Variants in GOLPH3 observed in about 807,000 individuals in gnomAD.
GOLPH3 encodes golgi phosphoprotein 3, also known as coat protein GPP34.
GOLPH3 carries 14 observed loss-of-function variants against 28.5 expected under a neutral mutation model. The observed-to-expected ratio is 0.49, with a 90% CI of 0.32 to 0.77. GOLPH3 has a LOEUF of 0.77. Among genes scored for constraint, GOLPH3 ranks in the 30% least tolerant of loss-of-function variants. The pLI is 0.03. For missense variants in GOLPH3, 350 were observed against 393.7 expected (o/e 0.89, Z 0.94); for synonymous variants, 158 against 159.2 (o/e 0.99, Z 0.06).
At chr5:32,147,213 A>G (rs1746196300) in intron 1 of GOLPH3, among the ~76,000 whole-genome samples, 1 of 147,712 alleles carries the variant, frequency 6.8e-6, no homozygotes, top group Non-Finnish European at 1.5e-5. Flanking sequence ...AGTAAAACAC[A>G]AAAACAATCT....
intron 2 of GOLPH3, among the ~76,000 whole-genome samples, 170 bp downstream of exon 2, chr5:32,143,579 T>C (rs1186444914): frequency 2.0e-5 from 3 of 152,240 alleles, no homozygotes; most frequent in Non-Finnish European, 4.4e-5. Context: ...TTACTCATTG[T>C]AGGTGAAAGA....
chr5:32,152,697 G>A (rs956414307), intron 1 of GOLPH3, among the ~76,000 whole-genome samples: 3 of 151,048 alleles, frequency 2.0e-5, no homozygotes, highest in Admixed American at 6.6e-5. Context: ...CAGGAGAATC[G>A]CTTGAACTCA....
rs1745651974 is a variant in GOLPH3 at position 32,125,276 on chromosome 5, A to G, written c.*936T>C. 6.6e-6 allele frequency: 1 copy of G among 152,644 alleles called. No individual in the cohort carries two copies. The highest frequency in any genetic ancestry group is 1.5e-5 in the Non-Finnish European group (1 of 68,040). The allele number at this position is 152,644 out of a possible 1,614,324, so 9.5% of individuals were successfully genotyped here. A position where few individuals can be genotyped will look rare whatever the true frequency, so the allele number is the denominator to read the frequency against. ...GGTACTGGTCACAAGCCTCTTCCCAATAGAAATTATAAAAACAGTAAGATA... is the reference window on the plus strand; with the variant it reads ...GGTACTGGTCACAAGCCTCTTCCCAGTAGAAATTATAAAAACAGTAAGATA... On this transcript the variant is annotated 3_prime_UTR_variant, in exon 4 of 4. Coordinates refer to ENST00000265070, the MANE Select transcript of GOLPH3 (RefSeq NM_022130.4).
At chr5:32,157,691 C>T (rs962927447) in intron 1 of GOLPH3, among the ~76,000 whole-genome samples, 2 of 152,094 alleles carry the variant, frequency 1.3e-5, no homozygotes, top group South Asian at 2.1e-4. Context: ...TTTAATGATA[C>T]TGGGGTTGGG....
intron 2 of GOLPH3, among the ~76,000 whole-genome samples, chr5:32,143,545 C>T (rs1347819031): frequency 2.6e-5 from 4 of 151,952 alleles, no homozygotes; most frequent in African/African-American, 7.2e-5. Context: ...ATCCAGTGGC[C>T]GGTTACCTTA....
At chr5:32,149,283 T>C (rs986156017) in intron 1 of GOLPH3, among the ~76,000 whole-genome samples, 1 of 152,212 alleles carries the variant, frequency 6.6e-6, no homozygotes, top group Non-Finnish European at 1.5e-5. Flanking sequence ...CGGAATAGCA[T>C]GTTTGTTGTT....
At chr5:32,153,194 C>T (rs1746349264) in intron 1 of GOLPH3, among the ~76,000 whole-genome samples, 1 of 151,888 alleles carries the variant, frequency 6.6e-6, no homozygotes, top group South Asian at 2.1e-4. Flanking sequence ...TAGAATATAA[C>T]ATGTAAAAAG....
chr5:32,126,201 C>A lies in GOLPH3; in HGVS notation c.*11G>T, dbSNP rs1021434783. ...CTTGAGAGAAAGGAGAATGGTTCAC[C>A]CCGAGCAGAGTTACTTGGTGAACGC... On this transcript the variant is annotated 3_prime_UTR_variant, in exon 4 of 4. Coordinates refer to ENST00000265070, the MANE Select transcript of GOLPH3 (RefSeq NM_022130.4). 1 of 1,603,154 alleles carries A rather than the reference C, an allele frequency of 6.2e-7. No homozygotes were observed. The highest frequency in any genetic ancestry group is 1.3e-5 in the African/African-American group (1 of 74,696).
chr5:32,145,353 G>C (rs895650861), intron 1 of GOLPH3, among the ~76,000 whole-genome samples: 1 of 152,216 alleles, frequency 6.6e-6, no homozygotes, highest in Admixed American at 6.5e-5. Flanking sequence ...GTCGGGGCCT[G>C]ATCAAATGAA....
At position 32,125,783 on chromosome 5, in the gene GOLPH3, A is replaced by C. The variant is rs1745662784; in HGVS notation, c.*429T>G. ...ATGTAAAAAATGTCCTAATAGATAC[A>C]GATATTTACCTTTGGTGAGTTGAAG... On this transcript the variant is annotated 3_prime_UTR_variant, in exon 4 of 4. Transcript: ENST00000265070. The C allele has an allele frequency of 1.3e-5, 2 of 159,632 alleles. No homozygotes were observed. Among genetic ancestry groups the C allele is most frequent in the African/African-American group, 4.8e-5 (2 of 41,634 alleles). The allele number at this position is 159,632 out of a possible 1,614,324, so 9.9% of individuals were successfully genotyped here.
In GOLPH3 at chr5:32,174,249, C is replaced by G. The variant is rs1376742756; in HGVS notation, c.-215G>C. On this transcript the variant is annotated 5_prime_UTR_variant, in exon 1 of 4. Transcript: ENST00000265070. ...GGCGGGGCAGGAGAGGAGCGCCTTC[C>G]TGCCTGTGGCCGCAGTCCCCGAAAC... 2 of 365,780 alleles carry G rather than the reference C, an allele frequency of 5.5e-6. No individual in the cohort carries two copies. Among genetic ancestry groups the G allele is most frequent in the East Asian group, 8.0e-5 (2 of 24,924 alleles). 22.7% of individuals were successfully genotyped at this position (365,780 alleles called of 1,614,324 possible).
At chr5:32,143,052 G>A (rs1017221321) in intron 2 of GOLPH3, among the ~76,000 whole-genome samples, 7 of 152,278 alleles carry the variant, frequency 4.6e-5, no homozygotes, top group South Asian at 2.1e-4. Context: ...GATGGTTGCC[G>A]TGTCTGTGTA....
At chr5:32,129,886 G>A (rs1305639678) in intron 3 of GOLPH3, among the ~76,000 whole-genome samples, 1 of 151,714 alleles carries the variant, frequency 6.6e-6, no homozygotes, top group African/African-American at 2.4e-5. Context: ...CTGTCGCCCA[G>A]GCTGGAGTGC....
At chr5:32,148,014 A>ATGGAATGGGGATGGAGG (rs1746215589) in intron 1 of GOLPH3, among the ~76,000 whole-genome samples, 1 of 152,224 alleles carries the variant, frequency 6.6e-6, no homozygotes, top group Admixed American at 6.5e-5. Flanking sequence ...TACAATTAGA[A>ATGGAATGGGGATGGAGG]TGGAATGGGG....
chr5:32,137,031 C>T (rs747864889), intron 2 of GOLPH3, among the ~76,000 whole-genome samples: 1 of 151,912 alleles, frequency 6.6e-6, no homozygotes, highest in Non-Finnish European at 1.5e-5. Context: ...AATCTCGGCT[C>T]ACTGCAAACC....
chr5:32,151,988 G>C (rs1010357224), intron 1 of GOLPH3, among the ~76,000 whole-genome samples: 1 of 152,210 alleles, frequency 6.6e-6, no homozygotes, highest in African/African-American at 2.4e-5. Context: ...TTAATGGATA[G>C]AGTTTCGGTA....
At chr5:32,135,425 T>C in intron 3 of GOLPH3, 147 bp downstream of exon 3, 3 of 602,500 alleles carry the variant, frequency 5.0e-6, no homozygotes, top group Non-Finnish European at 5.9e-6. Flanking sequence ...AAACCATTAC[T>C]TCCCCACTCT....
In GOLPH3 at chr5:32,145,014, AAAG is replaced by A. The variant is rs377506831; in HGVS notation, c.226-1137_226-1135del. 3.3e-3 allele frequency among the ~76,000 whole-genome samples: 510 copies of A among 152,312 alleles called. 2 individuals carry two copies. The highest frequency in any genetic ancestry group is 5.6e-3 in the Non-Finnish European group (382 of 68,020). On this transcript the variant is annotated intron_variant, in intron 1 of 3. Transcript: ENST00000265070. ...AGGAGAACAGGCCAACTGAATCTCT[AAAG>A]AATGGAGGGCCCAGGATTAGGAAGG...
chr5:32,163,667 T>G (rs1437339868), intron 1 of GOLPH3, among the ~76,000 whole-genome samples: 1 of 97,266 alleles, frequency 1.0e-5, no homozygotes, highest in Non-Finnish European at 2.5e-5. Context: ...TATATACATA[T>G]ATATATATAT....
Sources: gnomAD v4.1 joint callset for allele counts (sites outside exome capture counted in the v4.1 genomes callset) on GRCh38, gnomAD v4.1.1 for gene constraint, MANE v1.5 for transcripts, NCBI Gene and HGNC (gene_info 2026-07-23, HGNC 2026-07-21) for gene names.